Variants in AVL9 observed in about 807,000 individuals in gnomAD.
AVL9 encodes late secretory pathway protein AVL9 homolog.
AVL9 carries 49 observed loss-of-function variants against 79.2 expected under a neutral mutation model. The ratio of observed to expected loss-of-function variants is 0.62; its 90% CI spans 0.49 to 0.79. AVL9 has a LOEUF of 0.79. Ranked by LOEUF, AVL9 falls within the 30% of genes least tolerant of loss-of-function variation. AVL9 has a pLI of 0.00. For synonymous variants in AVL9, 299 were observed against 280.6 expected (o/e 1.07, Z -0.65); for missense variants, 682 against 776.8 (o/e 0.88, Z 1.45).
intron 8 of AVL9, among the ~76,000 whole-genome samples, chr7:32,556,948 A>T (rs1167450718): frequency 6.6e-6 from 1 of 152,058 alleles, no homozygotes; most frequent in Non-Finnish European, 1.5e-5. Flanking sequence ...CCCAGTCTGT[A>T]TTCCTTTATA....
intron 1 of AVL9, among the ~76,000 whole-genome samples, chr7:32,503,576 A>AT (rs1554332773): frequency 2.0e-5 from 3 of 148,508 alleles, no homozygotes; most frequent in African/African-American, 7.5e-5. Flanking sequence ...AAAAAAAAAA[A>AT]CTAGATTTGA....
chr7:32,504,786 T>G (rs918285087), intron 1 of AVL9, among the ~76,000 whole-genome samples: 2 of 152,240 alleles, frequency 1.3e-5, no homozygotes, highest in African/African-American at 4.8e-5. Flanking sequence ...TCTGGGATGG[T>G]GAAAAATCTG....
chr7:32,506,739 C>G (rs997391622), intron 1 of AVL9, among the ~76,000 whole-genome samples: 1 of 143,264 alleles, frequency 7.0e-6, no homozygotes, highest in Admixed American at 7.0e-5. Flanking sequence ...TAGACCCTGT[C>G]TCTATTTAAA....
intron 1 of AVL9, among the ~76,000 whole-genome samples, chr7:32,517,811 G>GTGT (rs1787970969): frequency 1.6e-5 from 2 of 128,562 alleles, no homozygotes; most frequent in Non-Finnish European, 3.4e-5. Context: ...TTGCTTGTGT[G>GTGT]TTTTTTTTTT....
intron 12 of AVL9, among the ~76,000 whole-genome samples, chr7:32,575,649 T>C (rs1791061319): frequency 6.6e-6 from 1 of 152,176 alleles, no homozygotes; most frequent in South Asian, 2.1e-4. Context: ...ATCCTCATAA[T>C]GGTAAGGAGA....
chr7:32,559,225 T>C lies in AVL9; in HGVS notation c.976T>C (p.Ser326Pro), dbSNP rs1454689008. 1 of 1,614,198 alleles carries C rather than the reference T, an allele frequency of 6.2e-7. No homozygotes were observed. Among genetic ancestry groups the C allele is most frequent in the Admixed American group, 1.7e-5 (1 of 60,028 alleles). ...LKPPSRPSPD[S>P]SESDWETLDP... is the part of the protein sequence containing the mutation. Reference sequence around the variant, plus strand: ...ACCTCCATCTCGCCCATCTCCAGATTCTTCAGAAAGTGACTGGGAAACTTT... The same window carrying C: ...ACCTCCATCTCGCCCATCTCCAGATCCTTCAGAAAGTGACTGGGAAACTTT... The change falls in exon 10 of 16, where the codon TCT becomes CCT. Residue 326 changes from serine to proline, a missense_variant. By Grantham distance (74) the Ser-to-Pro change is moderately conservative. Transcript: ENST00000318709.
At chr7:32,544,865 C>T (rs1336128431) in intron 3 of AVL9, 86 bp downstream of exon 3, 4 of 924,006 alleles carry the variant, frequency 4.3e-6, no homozygotes, top group Non-Finnish European at 6.6e-6. Context: ...TTCAGTGGTG[C>T]CTGTAATGTT....
Position 32,584,736 on chromosome 7 carries a change from T to A in AVL9, c.*829T>A, listed in dbSNP as rs913610495. On this transcript the variant is annotated 3_prime_UTR_variant, in exon 16 of 16. Coordinates refer to ENST00000318709, the MANE Select transcript of AVL9 (RefSeq NM_015060.3). ...TGCAGTCTTACAAGCACTTTTTTTT[T>A]ATTCCAGAGTTTGTGCCATCTGTTT... 1 of 145,528 alleles carries A rather than the reference T, an allele frequency of 6.9e-6. No individual in the cohort carries two copies. Among genetic ancestry groups the A allele is most frequent in the Admixed American group, 7.0e-5 (1 of 14,266 alleles). The allele number at this position is 145,528 out of a possible 1,614,324, so 9.0% of individuals were successfully genotyped here.
intron 1 of AVL9, among the ~76,000 whole-genome samples, chr7:32,511,478 T>A (rs1162438621): frequency 2.0e-5 from 3 of 152,040 alleles, no homozygotes; most frequent in African/African-American, 7.2e-5. Context: ...GGAAGCCATC[T>A]CTCTAGGATA....
chr7:32,529,412 A>G (rs1788548006), intron 1 of AVL9, among the ~76,000 whole-genome samples: 1 of 152,208 alleles, frequency 6.6e-6, no homozygotes, highest in Non-Finnish European at 1.5e-5. Context: ...CAGTTTGTGA[A>G]GTACATGGCA....
intron 10 of AVL9, among the ~76,000 whole-genome samples, chr7:32,562,069 A>G (rs1412380884): frequency 2.0e-5 from 3 of 152,232 alleles, no homozygotes; most frequent in African/African-American, 7.2e-5. Context: ...ACAGATCAAC[A>G]TAACAAACAC....
intron 1 of AVL9, chr7:32,532,152 C>T (rs184671086): frequency 4.7e-4 from 72 of 152,302 alleles, no homozygotes; most frequent in African/African-American, 1.7e-3. Context: ...TAAGCTTCCC[C>T]TGAAGTCCAG....
chr7:32,521,771 TCAC>T (rs1376326901), intron 1 of AVL9, among the ~76,000 whole-genome samples: 1 of 152,118 alleles, frequency 6.6e-6, no homozygotes, highest in African/African-American at 2.4e-5. Flanking sequence ...TCAGAGACCT[TCAC>T]CACAGCCCCT....
chr7:32,580,551 C>T (rs1160016159), intron 14 of AVL9, among the ~76,000 whole-genome samples: 1 of 152,222 alleles, frequency 6.6e-6, no homozygotes, highest in Non-Finnish European at 1.5e-5. Flanking sequence ...TGCAGCCATA[C>T]ATACATCCTT....
intron 8 of AVL9, among the ~76,000 whole-genome samples, chr7:32,556,543 G>GAATGAATC (rs1790069736): frequency 6.6e-6 from 1 of 151,760 alleles, no homozygotes; most frequent in Non-Finnish European, 1.5e-5. Flanking sequence ...ATGAATGAAT[G>GAATGAATC]AGTATTCCTT....
intron 1 of AVL9, among the ~76,000 whole-genome samples, chr7:32,515,839 A>G (rs1021414814): frequency 6.6e-6 from 1 of 152,172 alleles, no homozygotes; most frequent in African/African-American, 2.4e-5. Flanking sequence ...TCCAAATTGT[A>G]GGGAACAAGG....
chr7:32,551,318 T>C lies in AVL9; in HGVS notation c.373-16T>C, dbSNP rs768981672. On this transcript the variant is annotated splice_polypyrimidine_tract_variant and intron_variant, in intron 4 of 15. Coordinates refer to ENST00000318709, the MANE Select transcript of AVL9 (RefSeq NM_015060.3). ...CTAATTATTAATCAATGGTAATTTC[T>C]CTTTTTTCCTTTAAGCCTCTGTATG... The C allele has an allele frequency of 2.0e-6, 3 of 1,525,698 alleles. No homozygotes were observed. The highest frequency in any genetic ancestry group is 3.5e-5 in the Admixed American group (2 of 57,534). The allele number at this position is 1,525,698 out of a possible 1,614,324, so 94.5% of individuals were successfully genotyped here. A position where few individuals can be genotyped will look rare whatever the true frequency, so the allele number is the denominator to read the frequency against.
intron 1 of AVL9, among the ~76,000 whole-genome samples, chr7:32,507,136 A>G (rs1259615089): frequency 6.6e-6 from 1 of 152,180 alleles, no homozygotes; most frequent in Admixed American, 6.6e-5. Flanking sequence ...AAGGGAAGGT[A>G]GAAGGGGAAA....
intron 1 of AVL9, among the ~76,000 whole-genome samples, chr7:32,517,031 T>A (rs1014910314): frequency 1.3e-5 from 2 of 152,244 alleles, no homozygotes; most frequent in Admixed American, 6.5e-5. Context: ...TGAGATAGAA[T>A]CCACTGTTTG....
Sources: gnomAD v4.1 joint callset for allele counts (sites outside exome capture counted in the v4.1 genomes callset) on GRCh38, gnomAD v4.1.1 for gene constraint, MANE v1.5 for transcripts, NCBI Gene and HGNC (gene_info 2026-07-23, HGNC 2026-07-21) for gene names.